Variants in PCP4 observed in about 807,000 individuals in gnomAD.
PCP4 encodes Purkinje cell protein 4.
In PCP4, 8 loss-of-function variants were observed where a neutral mutation model predicts 10.0. The ratio of observed to expected loss-of-function variants is 0.80; its 90% CI spans 0.47 to 1.45. PCP4 has a LOEUF of 1.45. Among genes scored for constraint, PCP4 ranks in the 40% most tolerant of loss-of-function variants. The probability of loss-of-function intolerance (pLI) is 0.00; values close to 1 mark genes in which losing one functional copy is unlikely to be tolerated. For missense variants in PCP4, 54 were observed against 74.4 expected (o/e 0.73, Z 1.01); for synonymous variants, 21 against 23.0 (o/e 0.91, Z 0.24).
At chr21:39,880,158 CTA>C (rs1568850637) in intron 1 of PCP4, among the ~76,000 whole-genome samples, 1 of 150,154 alleles carries the variant, frequency 6.7e-6, no homozygotes, top group Non-Finnish European at 1.5e-5. Context: ...ATATCTATAT[CTA>C]TATCTATATC....
At chr21:39,921,902 T>A (rs551799320) in intron 2 of PCP4, among the ~76,000 whole-genome samples, 1 of 152,366 alleles carries the variant, frequency 6.6e-6, no homozygotes, top group Admixed American at 6.5e-5. Flanking sequence ...ACTATGGGAC[T>A]GATGTGAGAA....
At chr21:39,920,755 A>T (rs1359667311) in intron 2 of PCP4, among the ~76,000 whole-genome samples, 1 of 152,064 alleles carries the variant, frequency 6.6e-6, no homozygotes, top group Non-Finnish European at 1.5e-5. Context: ...ATTTCCTAGG[A>T]ATTTATGTTA....
At chr21:39,885,312 A>G (rs1429918342) in intron 1 of PCP4, among the ~76,000 whole-genome samples, 1 of 152,008 alleles carries the variant, frequency 6.6e-6, no homozygotes, top group Admixed American at 6.6e-5. Context: ...GGGCTGTGGG[A>G]GGTGTTGGTT....
intron 1 of PCP4, among the ~76,000 whole-genome samples, chr21:39,890,076 G>A (rs1283727805): frequency 6.6e-6 from 1 of 152,120 alleles, no homozygotes; most frequent in African/African-American, 2.4e-5. Context: ...TGGAAGCGAG[G>A]CCTTCCACTG....
intron 1 of PCP4, among the ~76,000 whole-genome samples, chr21:39,882,419 G>A (rs2087380244): frequency 6.6e-6 from 1 of 152,150 alleles, no homozygotes; most frequent in Non-Finnish European, 1.5e-5. Context: ...TTTTATCTGA[G>A]TACACCCGGC....
intron 2 of PCP4, among the ~76,000 whole-genome samples, chr21:39,917,412 C>T (rs141805285): frequency 1.3e-5 from 2 of 152,340 alleles, no homozygotes; most frequent in African/African-American, 2.4e-5. Context: ...ACCTGTGCGG[C>T]AGACTTCCAC....
intron 2 of PCP4, among the ~76,000 whole-genome samples, chr21:39,905,700 G>A (rs2087503606): frequency 1.3e-5 from 2 of 152,146 alleles, no homozygotes; most frequent in Non-Finnish European, 1.5e-5. Flanking sequence ...GGACAGAAGC[G>A]GAGATTCCTA....
At chr21:39,895,541 G>A (rs1368154311) in intron 1 of PCP4, among the ~76,000 whole-genome samples, 1 of 152,250 alleles carries the variant, frequency 6.6e-6, no homozygotes, top group African/African-American at 2.4e-5. Flanking sequence ...AAAAGGAAGG[G>A]CTCCAGAGCC....
At chr21:39,893,885 T>C (rs2087445207) in intron 1 of PCP4, among the ~76,000 whole-genome samples, 1 of 152,202 alleles carries the variant, frequency 6.6e-6, no homozygotes, top group South Asian at 2.1e-4. Context: ...GGAGGGCCAG[T>C]GTCTCTGATG....
intron 1 of PCP4, among the ~76,000 whole-genome samples, chr21:39,892,852 G>C (rs1214743334): frequency 6.6e-6 from 1 of 151,920 alleles, no homozygotes; most frequent in African/African-American, 2.4e-5. Flanking sequence ...CCCCTATTCA[G>C]CCGTAAAAAA....
intron 2 of PCP4, among the ~76,000 whole-genome samples, chr21:39,915,332 G>A (rs1043105839): frequency 2.2e-4 from 33 of 152,136 alleles, no homozygotes; most frequent in African/African-American, 7.7e-4. Flanking sequence ...AAGATAAAAT[G>A]TGCAGTTCAG....
intron 1 of PCP4, among the ~76,000 whole-genome samples, chr21:39,871,535 ACC>A (rs2087319987): frequency 6.6e-6 from 1 of 152,222 alleles, no homozygotes; most frequent in African/African-American, 2.4e-5. Context: ...TTGAGGGTGT[ACC>A]TGCAGCAAGG....
At chr21:39,868,169 G>C (rs1023376119) in intron 1 of PCP4, among the ~76,000 whole-genome samples, 1 of 152,202 alleles carries the variant, frequency 6.6e-6, no homozygotes, top group African/African-American at 2.4e-5. Flanking sequence ...CCAACTGACA[G>C]CACGTTTGTT....
intron 2 of PCP4, chr21:39,916,149 C>G (rs1044402352): frequency 1.6e-4 from 25 of 151,902 alleles, no homozygotes; most frequent in African/African-American, 6.0e-4. Flanking sequence ...GAAGGAATTT[C>G]AATTCTTTCC....
intron 2 of PCP4, among the ~76,000 whole-genome samples, chr21:39,905,620 A>G (rs1285375120): frequency 6.6e-6 from 1 of 152,170 alleles, no homozygotes; most frequent in Non-Finnish European, 1.5e-5. Context: ...AACTTCATTG[A>G]GCAAGGAACA....
At chr21:39,911,785 C>T (rs1209876523) in intron 2 of PCP4, among the ~76,000 whole-genome samples, 4 of 152,146 alleles carry the variant, frequency 2.6e-5, no homozygotes, top group Non-Finnish European at 5.9e-5. Context: ...AGAGTTGAAC[C>T]GTAGTTTTGA....
At chr21:39,870,844 G>A (rs2087316130) in intron 1 of PCP4, among the ~76,000 whole-genome samples, 1 of 152,350 alleles carries the variant, frequency 6.6e-6, no homozygotes, top group Non-Finnish European at 1.5e-5. Context: ...CATGGGCTGG[G>A]CTTTTTTCTT....
chr21:39,928,135 C>T (rs980211182), intron 2 of PCP4, among the ~76,000 whole-genome samples: 1 of 151,938 alleles, frequency 6.6e-6, no homozygotes, highest in African/African-American at 2.4e-5. Flanking sequence ...TTTGATACAC[C>T]CATCACCTGA....
chr21:39,900,898 G>A (rs2087479539), intron 2 of PCP4, among the ~76,000 whole-genome samples: 1 of 69,978 alleles, frequency 1.4e-5, no homozygotes, highest in African/African-American at 5.9e-5. Context: ...AAATTAAAAT[G>A]GAGAAAGTTT....
Sources: allele counts gnomAD v4.1 joint callset (sites outside exome capture counted in the v4.1 genomes callset), GRCh38; gene constraint gnomAD v4.1.1; transcripts MANE v1.5; gene names NCBI Gene and HGNC (gene_info 2026-07-23, HGNC 2026-07-21).